The following FBN1 variants were observed in gnomAD, a reference collection of about 807,000 sequenced individuals.
The protein encoded by FBN1 is fibrillin-1.
A neutral mutation model predicts 365.1 loss-of-function variants in FBN1; 29 were observed. The ratio of observed to expected loss-of-function variants is 0.08; its 90% CI spans 0.06 to 0.11. The LOEUF (loss-of-function observed/expected upper bound fraction) is 0.11. FBN1 is among the 10% of genes least tolerant of loss of function. FBN1 has a pLI of 1.00. For synonymous variants in FBN1, 1,210 were observed against 1,270.5 expected, an observed-to-expected ratio of 0.95 and a Z score of 1.01; for missense variants, 2,476 against 3,703.2, an observed-to-expected ratio of 0.67 and a Z score of 8.60.
At chr15:48,591,418 T>C (rs533468207) in intron 6 of FBN1, among the ~76,000 whole-genome samples, 96 of 152,318 alleles carry the variant, frequency 6.3e-4, no homozygotes, top group Non-Finnish European at 1.3e-3. Flanking sequence ...TGATATAACT[T>C]TCCATGATAA....
chr15:48,626,870 T>C (rs1262897771), intron 2 of FBN1, among the ~76,000 whole-genome samples: 2 of 152,172 alleles, frequency 1.3e-5, no homozygotes, highest in African/African-American at 4.8e-5. Flanking sequence ...GGAATAAAAA[T>C]AATAATTAGC....
intron 32 of FBN1, among the ~76,000 whole-genome samples, chr15:48,478,005 T>C: frequency 6.6e-6 from 1 of 152,166 alleles, no homozygotes; most frequent in East Asian, 1.9e-4. Context: ...TGGCCTCCTC[T>C]TACAGTCACG....
intron 14 of FBN1, 32 bp downstream of exon 14, chr15:48,510,012 G>A: frequency 1.2e-6 from 2 of 1,611,088 alleles, no homozygotes; most frequent in Non-Finnish European, 1.7e-6. Flanking sequence ...TGCAATGGAA[G>A]GAGAGGACTA....
intron 2 of FBN1, among the ~76,000 whole-genome samples, chr15:48,636,282 AG>A (rs1216225202): frequency 1.3e-5 from 2 of 152,178 alleles, no homozygotes; most frequent in Non-Finnish European, 2.9e-5. Context: ...CCATGTAGAG[AG>A]GCCACGTATA....
chr15:48,644,406 CCTT>C, intron 2 of FBN1, 197 bp downstream of exon 2: 1 of 722,786 alleles, frequency 1.4e-6, no homozygotes. Context: ...CACGTCCTCT[CCTT>C]TGGGGCAGAA....
At chr15:48,439,897 C>T (rs2043099794) in intron 50 of FBN1, among the ~76,000 whole-genome samples, 1 of 152,168 alleles carries the variant, frequency 6.6e-6, no homozygotes, top group African/African-American at 2.4e-5. Context: ...CTCTGTCCAC[C>T]TGAGTCCCAT....
intron 6 of FBN1, among the ~76,000 whole-genome samples, chr15:48,593,489 GAAAGA>G (rs1210934789): frequency 6.6e-6 from 1 of 152,178 alleles, no homozygotes; most frequent in African/African-American, 2.4e-5. Context: ...TCATTCTTCT[GAAAGA>G]TGGGACCAAA....
At chr15:48,420,830 T>C in intron 62 of FBN1, 24 bp from the exon 63 acceptor site, 4 of 1,612,796 alleles carry the variant, frequency 2.5e-6, no homozygotes, top group Non-Finnish European at 3.4e-6. Context: ...AGAGCCACCA[T>C]GATGCCAACT....
At chr15:48,555,371 T>A (rs2044171651) in intron 6 of FBN1, among the ~76,000 whole-genome samples, 1 of 152,212 alleles carries the variant, frequency 6.6e-6, no homozygotes, top group African/African-American at 2.4e-5. Flanking sequence ...CTGTGGAGAC[T>A]ATTTGGCATT....
chr15:48,537,458 G>A (rs1367371939), intron 7 of FBN1, among the ~76,000 whole-genome samples, 153 bp downstream of exon 7: 2 of 152,202 alleles, frequency 1.3e-5, no homozygotes, highest in Non-Finnish European at 2.9e-5. Context: ...CGAGAGCCAC[G>A]TTCCTAATGC....
chr15:48,579,455 C>T (rs978597102), intron 6 of FBN1, among the ~76,000 whole-genome samples: 5 of 152,134 alleles, frequency 3.3e-5, no homozygotes, highest in African/African-American at 1.2e-4. Flanking sequence ...TATAGCTCTA[C>T]TACCATCTCA....
chr15:48,425,676 T>A (rs1219127752), intron 59 of FBN1, 63 bp downstream of exon 59: 3 of 1,161,256 alleles, frequency 2.6e-6, no homozygotes, highest in Non-Finnish European at 2.4e-6. Context: ...TAGCTTTGGG[T>A]TTTTTTTTTT....
At chr15:48,428,245 CA>C (rs1289729276) in intron 57 of FBN1, 100 bp downstream of exon 57, 41 of 1,456,078 alleles carry the variant, frequency 2.8e-5, no homozygotes, top group Non-Finnish European at 3.7e-5. Flanking sequence ...TATCCTTCCT[CA>C]GATTTTGACA....
chr15:48,607,914 C>T (rs775778013), intron 4 of FBN1, among the ~76,000 whole-genome samples: 4 of 152,200 alleles, frequency 2.6e-5, no homozygotes, highest in Non-Finnish European at 4.4e-5. Context: ...CAGAGACTGA[C>T]ATAGCAAAGA....
At position 48,497,389 on chromosome 15, in the gene FBN1, T is replaced by C. The variant is rs113512280; in HGVS notation, c.2170A>G (p.Ile724Val). Residue 724 changes from isoleucine to valine, a missense_variant and splice_region_variant, in exon 19 of 66, where the codon ATA becomes GTA. Transcript: ENST00000316623. ...TCAGGATCTAGTGCACATTCATTTA[T>C]ATCTGCACCACAAAAAAGGTCAAAA... The part of the protein sequence containing the change: ...GPGMTSAGSD[I>V]NECALDPDIC... 1.2e-6 allele frequency: 2 copies of C among 1,613,600 alleles called. No individual in the cohort carries two copies. Among genetic ancestry groups the C allele is most frequent in the Non-Finnish European group, 1.7e-6 (2 of 1,179,540 alleles).
In FBN1 at chr15:48,487,170, A is replaced by G; in HGVS notation, c.3494T>C (p.Leu1165Pro). ...GTTCACGCAACGGCCATTGGGGCAC[A>G]GGTGTGCACTCAGCTCACATTCATT... ...DINECELSAH[L>P]CPNGRCVNLI... The change falls in exon 29 of 66, where the codon CTG (leucine) becomes CCG (proline). Residue 1165 changes from leucine (L) to proline (P), a missense_variant. Coordinates refer to ENST00000316623, the MANE Select transcript of FBN1 (RefSeq NM_000138.5). 4 of 1,614,224 alleles carry G rather than the reference A, an allele frequency of 2.5e-6. No individual in the cohort carries two copies. The highest frequency in any genetic ancestry group is 2.5e-6 in the Non-Finnish European group (3 of 1,180,036).
At chr15:48,449,872 AC>A (rs2043187503) in intron 45 of FBN1, among the ~76,000 whole-genome samples, 1 of 152,186 alleles carries the variant, frequency 6.6e-6, no homozygotes, top group African/African-American at 2.4e-5. Flanking sequence ...ATGAATGGAC[AC>A]TTTTTGCTGC....
chr15:48,435,666 A>ATGTGTGTG (rs3074870), intron 53 of FBN1, among the ~76,000 whole-genome samples: 15 of 145,634 alleles, frequency 1.0e-4, no homozygotes, highest in African/African-American at 3.8e-4. Context: ...GAGACCTAAA[A>ATGTGTGTG]TGTGTGTGTG....
intron 2 of FBN1, among the ~76,000 whole-genome samples, chr15:48,629,659 G>A (rs538200537): frequency 1.3e-5 from 2 of 152,122 alleles, no homozygotes; most frequent in Non-Finnish European, 2.9e-5. Context: ...ATGCAATGAG[G>A]GAGAGAAGAA....
Sources: allele counts gnomAD v4.1 joint callset (sites outside exome capture counted in the v4.1 genomes callset), GRCh38; gene constraint gnomAD v4.1.1; transcripts MANE v1.5; gene names NCBI Gene and HGNC (gene_info 2026-07-23, HGNC 2026-07-21).